Variants in ASB2 observed in about 807,000 individuals in gnomAD.
ASB2 encodes the protein ankyrin repeat and SOCS box containing 2.
ASB2 carries 58 observed loss-of-function variants against 62.4 expected under a neutral mutation model. The ratio of observed to expected loss-of-function variants is 0.93; its 90% confidence interval spans 0.75 to 1.16. The LOEUF is 1.16. Ranked by LOEUF, ASB2 falls within the 50% of genes most tolerant of loss-of-function variation. The pLI, the probability that ASB2 is intolerant of heterozygous loss-of-function variation, is 0.00. For synonymous variants in ASB2, 386 were observed against 385.3 expected, an observed-to-expected ratio of 1.00 and a Z score of -0.02; for missense variants, 928 against 887.9, an observed-to-expected ratio of 1.05 and a Z score of -0.57.
At chr14:93,957,428 T>C in intron 2 of ASB2, 1 of 990,082 alleles carries the variant, frequency 1.0e-6, no homozygotes, top group Non-Finnish European at 1.2e-6. Context: ...ACCTCTATAG[T>C]GTTATTATAG....
At chr14:93,976,390 A>G (rs191539676) in intron 1 of ASB2, 44 bp downstream of exon 1, 80 of 152,328 alleles carry the variant, frequency 5.3e-4, no homozygotes, top group African/African-American at 1.8e-3. Context: ...CAGCCAAAGA[A>G]TCTTTTGCAA....
intron 1 of ASB2, among the ~76,000 whole-genome samples, chr14:93,965,308 C>A (rs1048030151): frequency 1.4e-4 from 22 of 152,238 alleles, no homozygotes; most frequent in African/African-American, 4.8e-4. Context: ...AAAATCCTTG[C>A]CCTCATGGAG....
In ASB2 at chr14:93,964,228, A is replaced by G. The variant is rs1182415070; in HGVS notation, c.206+106T>C. The G allele has an allele frequency of 3.9e-6, 4 of 1,036,656 alleles. No homozygotes were observed. In the East Asian group the frequency reaches 7.8e-5, roughly 20 times the overall value. 64.2% of individuals were successfully genotyped at this position (1,036,656 alleles called of 1,614,324 possible). ...GTAAATGGGAAAGGTGTGAAAAGCA[A>G]CCTAGAGACCAGGATACCGTGGTTT... On this transcript the variant is annotated intron_variant, in intron 2 of 9. Transcript: ENST00000555019.
At position 93,956,868 on chromosome 14, in the gene ASB2, G is replaced by A. The variant is rs370020819; in HGVS notation, c.209C>T (p.Ser70Phe). ...QPAHFYPWTR[S>F]TAPPESSPAR... ...CGGCGAACTCTCAGGAGGTGCAGTGGACCTGGAGGGTGCAGAGCAGGAGTG... is the reference window on the plus strand; with the variant it reads ...CGGCGAACTCTCAGGAGGTGCAGTGAACCTGGAGGGTGCAGAGCAGGAGTG... The change falls in exon 3 of 10, where the codon TCC becomes TTC. Residue 70 changes from serine to phenylalanine, a missense_variant and splice_region_variant. Physicochemically the swap from Ser to Phe is radical, Grantham distance 155 (BLOSUM62 -2). Coordinates refer to ENST00000555019, the MANE Select transcript of ASB2 (RefSeq NM_001202429.2). The A allele has an allele frequency of 3.0e-5, 48 of 1,614,082 alleles. No homozygotes were observed. The African/African-American group carries it at 4.5e-4, about 15-fold the overall frequency.
intron 5 of ASB2, among the ~76,000 whole-genome samples, chr14:93,952,295 G>A (rs1313149383): frequency 6.6e-6 from 1 of 152,234 alleles, no homozygotes; most frequent in Non-Finnish European, 1.5e-5. Flanking sequence ...AGCTCTGGCT[G>A]TGGGCTGCCC....
In ASB2 at chr14:93,939,281, T is replaced by C; in HGVS notation, c.1444A>G (p.Ile482Val). ...GACAGGCACTTCATGGCGAACATGA[T>C]GGTGGCGGGGAAGGCGGTGGGGTGC... ...ATHPTAFPAT[I>V]MFAMKCLSLL... Residue 482 changes from isoleucine (I) to valine (V), a missense_variant, in exon 8 of 10, where the codon ATC becomes GTC. Ile to Val is a conservative substitution (Grantham distance 29). Coordinates refer to ENST00000555019, the MANE Select transcript of ASB2 (RefSeq NM_001202429.2). The C allele has an allele frequency of 6.2e-7, 1 of 1,609,430 alleles. No individual in the cohort carries two copies. Among genetic ancestry groups the C allele is most frequent in the Non-Finnish European group, 8.5e-7 (1 of 1,176,822 alleles).
Position 93,965,207 on chromosome 14 carries a change from T to C in ASB2, c.-73-595A>G, listed in dbSNP as rs527750992. The stretch of plus-strand genomic sequence containing the variant: ...ATTTTTCCATTCCAGATAACCTATC[T>C]ATCCATGTATTTATGCTCACTTGTT... On this transcript the variant is annotated intron_variant, in intron 1 of 9. Coordinates refer to ENST00000555019, the MANE Select transcript of ASB2 (RefSeq NM_001202429.2). Among the ~76,000 whole-genome samples the C allele has an allele frequency of 3.3e-3, 496 of 152,344 alleles. 2 individuals carry two copies. Among genetic ancestry groups the C allele is most frequent in the South Asian group, 7.2e-3 (35 of 4,830 alleles).
chr14:93,965,233 G>A (rs1210920380), intron 1 of ASB2, among the ~76,000 whole-genome samples: 3 of 152,120 alleles, frequency 2.0e-5, no homozygotes, highest in East Asian at 1.9e-4. Flanking sequence ...CTCACTTGTT[G>A]AGCACCCACT....
intron 4 of ASB2, 47 bp from the exon 5 acceptor site, chr14:93,953,554 C>T (rs771567412): frequency 6.7e-7 from 1 of 1,491,222 alleles, no homozygotes. Context: ...AGATACTCAG[C>T]CCCGCAACAC....
intron 2 of ASB2, among the ~76,000 whole-genome samples, chr14:93,962,263 C>T (rs898824082): frequency 2.0e-5 from 3 of 151,548 alleles, no homozygotes; most frequent in Non-Finnish European, 2.9e-5. Context: ...TACAGGCGCC[C>T]GCCACTACGC....
intron 1 of ASB2, among the ~76,000 whole-genome samples, chr14:93,965,011 C>T (rs949162354): frequency 6.6e-6 from 1 of 152,160 alleles, no homozygotes; most frequent in Non-Finnish European, 1.5e-5. Flanking sequence ...TCTCTCAGCA[C>T]TACTCATCAT....
intron 7 of ASB2, chr14:93,942,184 C>G (rs1245991510): frequency 4.4e-6 from 2 of 456,000 alleles, no homozygotes; most frequent in Admixed American, 2.3e-5. Context: ...TCTGACTCTT[C>G]CCACTTCTCC....
At chr14:93,948,425 A>G (rs1429218812) in intron 6 of ASB2, 1 of 152,678 alleles carries the variant, frequency 6.5e-6, no homozygotes, top group African/African-American at 2.4e-5. Flanking sequence ...ATAAAGGAAA[A>G]CCCCAATAAC....
rs1888191547 is a variant in ASB2, at chr14:93,934,255, T to G, written c.*401A>C. 1 of 457,688 alleles carries G rather than the reference T, an allele frequency of 2.2e-6. No homozygotes were observed. The highest frequency in any genetic ancestry group is 2.0e-5 in the African/African-American group (1 of 49,948). The allele number at this position is 457,688 out of a possible 1,614,324, so 28.4% of individuals were successfully genotyped here. On this transcript the variant is annotated 3_prime_UTR_variant, in exon 10 of 10. Transcript: ENST00000555019. The stretch of plus-strand genomic sequence containing the variant: ...CCCCCTACCTTGGGCCACGTCTTCA[T>G]CTTAGTCTTTGGAGAGAAAGCTCTG...
rs1231180995 is a variant in ASB2, at chr14:93,954,379, C to T, written c.416G>A (p.Trp139Ter). ...GTATGCGGCCTCGTGCAGCGGCAGCCAGCCCTCCTTGTTGGGCTCTGCGAG... is the reference window on the plus strand; with the variant it reads ...GTATGCGGCCTCGTGCAGCGGCAGCTAGCCCTCCTTGTTGGGCTCTGCGAG... ...KNLAEPNKEGWLPLHEAAYYG... is the reference protein window; with the variant it reads ...KNLAEPNKEG The change falls in exon 4 of 10, where the codon TGG (tryptophan) becomes TAG (stop). Residue 139 changes from tryptophan to a stop codon, truncating the protein, a stop_gained. Transcript: ENST00000555019. LOFTEE classifies it high-confidence loss of function. 3.1e-6 allele frequency: 5 copies of T among 1,613,796 alleles called. No homozygotes were observed. Among genetic ancestry groups the T allele is most frequent in the Non-Finnish European group, 4.2e-6 (5 of 1,179,704 alleles).
Position 93,941,522 on chromosome 14 carries a change from C to T in ASB2, c.1053-1850G>A, listed in dbSNP as rs1363795901. On this transcript the variant is annotated intron_variant, in intron 7 of 9. Transcript: ENST00000555019. ...CTAAAACCTCAAAAGGAAATTCACACACCCGGGGGGCTAATTGCCTCCTAA... is the reference window on the plus strand; with the variant it reads ...CTAAAACCTCAAAAGGAAATTCACATACCCGGGGGGCTAATTGCCTCCTAA... The T allele has an allele frequency of 1.0e-5, 4 of 386,336 alleles. No homozygotes were observed. In the East Asian group the frequency reaches 2.2e-4, roughly 22 times the overall value. The allele number at this position is 386,336 out of a possible 1,614,324, so 23.9% of individuals were successfully genotyped here.
chr14:93,963,550 T>G (rs1889479510), intron 2 of ASB2, among the ~76,000 whole-genome samples: 1 of 152,216 alleles, frequency 6.6e-6, no homozygotes, highest in Admixed American at 6.5e-5. Context: ...AAGGTAGTCA[T>G]TGGCCACATG....
At position 93,934,627 on chromosome 14, in the gene ASB2, G is replaced by A; in HGVS notation, c.*29C>T. 3 of 1,612,172 alleles carry A rather than the reference G, an allele frequency of 1.9e-6. No individual in the cohort carries two copies. The highest frequency in any genetic ancestry group is 2.5e-6 in the Non-Finnish European group (3 of 1,178,746). ...TGAGACTTAGTAAGAAGAGTCTGAG[G>A]GGCTACTCCTCTCTCCCCGTGGCCC... On this transcript the variant is annotated 3_prime_UTR_variant, in exon 10 of 10. Coordinates refer to ENST00000555019, the MANE Select transcript of ASB2 (RefSeq NM_001202429.2).
intron 1 of ASB2, among the ~76,000 whole-genome samples, chr14:93,975,270 G>A (rs1334755254): frequency 6.6e-6 from 1 of 152,202 alleles, no homozygotes; most frequent in African/African-American, 2.4e-5. Flanking sequence ...CCTGCTTCAG[G>A]CCTTCCTCAT....
Sources: allele counts gnomAD v4.1 joint callset (sites outside exome capture counted in the v4.1 genomes callset), GRCh38; gene constraint gnomAD v4.1.1; transcripts MANE v1.5; gene names NCBI Gene and HGNC (gene_info 2026-07-23, HGNC 2026-07-21).